The following ANKS3 variants were observed in gnomAD, a reference collection of about 807,000 sequenced individuals.
ANKS3 encodes the protein ankyrin repeat and SAM domain-containing protein 3.
In ANKS3, 62 loss-of-function variants were observed where a neutral mutation model predicts 80.7. The observed-to-expected ratio is 0.77, with a 90% CI of 0.63 to 0.95. ANKS3 has a LOEUF of 0.95. Ranked by LOEUF, ANKS3 falls within the 40% of genes least tolerant of loss-of-function variation. ANKS3 has a pLI of 0.00. For synonymous variants in ANKS3, 489 were observed against 355.3 expected, an observed-to-expected ratio of 1.38 and a Z score of -4.23; for missense variants, 1,150 against 883.6, an observed-to-expected ratio of 1.30 and a Z score of -3.82.
intron 8 of ANKS3, among the ~76,000 whole-genome samples, chr16:4,704,216 G>T (rs1180004467): frequency 1.3e-5 from 2 of 152,182 alleles, no homozygotes; most frequent in Non-Finnish European, 2.9e-5. Flanking sequence ...CCAGGCTTGG[G>T]AAGACAGAAG....
At position 4,697,388 on chromosome 16, in the gene ANKS3, C is replaced by A. The variant is rs371595485; in HGVS notation, c.1839G>T (p.Gln613His). 1 of 1,609,646 alleles carries A rather than the reference C, an allele frequency of 6.2e-7. No individual in the cohort carries two copies. Among genetic ancestry groups the A allele is most frequent in the African/African-American group, 1.3e-5 (1 of 74,826 alleles). Residue 613 changes from glutamine to histidine, a missense_variant, in exon 16 of 18, where the codon CAG (glutamine) becomes CAT (histidine). Transcript: ENST00000304283. ...ADSKGWQASL[Q>H]AMSLPELSGA... ...CCGAGAGCTCGGGGAGGCTCATGGC[C>A]TGCAGGGACGCTTGCCAGCCCTTGG... is the stretch of plus-strand genomic sequence containing the variant.
rs989348694 is a variant in ANKS3, at chr16:4,734,179, G to A, written c.-312C>T. On this transcript the variant is annotated 5_prime_UTR_variant, in exon 1 of 18. Coordinates refer to ENST00000304283, the MANE Select transcript of ANKS3 (RefSeq NM_133450.4). Reference sequence around the variant, plus strand: ...ACCTGTGCTGGGCCTCAGGCCTTGCGCCGCCCTCGGGCTGCCGTCGCCAAC... The same window carrying A: ...ACCTGTGCTGGGCCTCAGGCCTTGCACCGCCCTCGGGCTGCCGTCGCCAAC... The A allele has an allele frequency of 3.4e-6, 1 of 294,658 alleles. No homozygotes were observed. Among genetic ancestry groups the A allele is most frequent in the Non-Finnish European group, 4.9e-6 (1 of 205,010 alleles). 18.3% of individuals were successfully genotyped at this position (294,658 alleles called of 1,614,324 possible).
At chr16:4,728,380 T>G (rs992193227) in intron 3 of ANKS3, among the ~76,000 whole-genome samples, 1 of 152,068 alleles carries the variant, frequency 6.6e-6, no homozygotes, top group South Asian at 2.1e-4. Context: ...GCAACTACCT[T>G]CCATTGCCTG....
In ANKS3 at chr16:4,696,681, G is replaced by A. The variant is rs963066529; in HGVS notation, c.*227C>T. Reference sequence around the variant, plus strand: ...GCCCATGAACTCTGGGCCTCACCACGAGGTTCTGGGTGAGGCCCTCGTCCC... The same window carrying A: ...GCCCATGAACTCTGGGCCTCACCACAAGGTTCTGGGTGAGGCCCTCGTCCC... On this transcript the variant is annotated 3_prime_UTR_variant, in exon 18 of 18. Transcript: ENST00000304283. The A allele has an allele frequency of 2.9e-5, 11 of 376,128 alleles. No individual in the cohort carries two copies. The highest frequency in any genetic ancestry group is 1.7e-4 in the African/African-American group (8 of 48,200). 23.3% of individuals were successfully genotyped at this position (376,128 alleles called of 1,614,324 possible).
At chr16:4,717,149 G>C (rs1194182042) in intron 6 of ANKS3, among the ~76,000 whole-genome samples, 1 of 152,126 alleles carries the variant, frequency 6.6e-6, no homozygotes, top group African/African-American at 2.4e-5. Flanking sequence ...AGCTGAGGAA[G>C]GAGAATTGCC....
intron 7 of ANKS3, among the ~76,000 whole-genome samples, chr16:4,710,298 G>A (rs538810177): frequency 6.6e-6 from 1 of 152,320 alleles, no homozygotes; most frequent in Non-Finnish European, 1.5e-5. Context: ...AATGTTTGAG[G>A]TGATGGATAA....
At chr16:4,712,746 A>C (rs1402079244) in intron 7 of ANKS3, among the ~76,000 whole-genome samples, 2 of 152,182 alleles carry the variant, frequency 1.3e-5, no homozygotes. Context: ...ATCAGGACCA[A>C]GGTAAGGAGG....
intron 3 of ANKS3, among the ~76,000 whole-genome samples, chr16:4,729,020 C>G (rs2081494466): frequency 6.6e-6 from 1 of 152,118 alleles, no homozygotes; most frequent in South Asian, 2.1e-4. Flanking sequence ...GAAGAGAGGT[C>G]GCTGCACCAC....
rs73504498 is a variant in ANKS3, at chr16:4,726,647, T to C, written c.491+12A>G. 2.8e-3 allele frequency: 4,533 copies of C among 1,612,458 alleles called. 113 individuals carry two copies. In the African/African-American group the frequency reaches 0.054, roughly 19 times the overall value. ...AGGCCACTCCTGTGGCCACTAAAGATGTGGCAATCACCTCACGTTGGCATT... is the reference window on the plus strand; with the variant it reads ...AGGCCACTCCTGTGGCCACTAAAGACGTGGCAATCACCTCACGTTGGCATT... On this transcript the variant is annotated intron_variant, in intron 5 of 17. Coordinates refer to ENST00000304283, the MANE Select transcript of ANKS3 (RefSeq NM_133450.4).
chr16:4,699,605 T>A (rs191020441), intron 11 of ANKS3: 90 of 198,766 alleles, frequency 4.5e-4, no homozygotes, highest in African/African-American at 2.0e-3. Context: ...GCTCCCTGGA[T>A]GTAAGATCCG....
intron 8 of ANKS3, among the ~76,000 whole-genome samples, chr16:4,704,721 G>A (rs774806788): frequency 6.6e-6 from 1 of 152,242 alleles, no homozygotes; most frequent in Non-Finnish European, 1.5e-5. Flanking sequence ...GACCCAGCTG[G>A]TATGGGCAGG....
At chr16:4,710,273 C>T (rs982669429) in intron 7 of ANKS3, among the ~76,000 whole-genome samples, 10 of 152,156 alleles carry the variant, frequency 6.6e-5, no homozygotes, top group Admixed American at 5.9e-4. Flanking sequence ...TAAATGTTCT[C>T]ACCTCGAAAT....
chr16:4,697,204 C>T (rs752152210), intron 16 of ANKS3, 100 bp from the exon 17 acceptor site: 48 of 1,554,556 alleles, frequency 3.1e-5, no homozygotes, highest in Middle Eastern at 3.4e-4. Context: ...GCCCCTCACC[C>T]GTTATGGCCC....
chr16:4,709,074 T>G (rs1437290692), intron 7 of ANKS3, among the ~76,000 whole-genome samples: 1 of 152,078 alleles, frequency 6.6e-6, no homozygotes, highest in Non-Finnish European at 1.5e-5. Context: ...GAGACCAGCC[T>G]GGGCAACATA....
intron 7 of ANKS3, among the ~76,000 whole-genome samples, chr16:4,712,812 A>G (rs1456817716): frequency 6.6e-6 from 1 of 152,194 alleles, no homozygotes; most frequent in Non-Finnish European, 1.5e-5. Flanking sequence ...ACTAAACAAA[A>G]GAACGGTGCA....
intron 6 of ANKS3, among the ~76,000 whole-genome samples, chr16:4,721,076 T>C (rs193079312): frequency 0.052 from 6,897 of 132,020 alleles, 514 homozygotes; most frequent in African/African-American, 0.18. Context: ...GAGGCCAAGG[T>C]GGGCGGATCA....
chr16:4,731,185 G>A (rs1454151620), intron 2 of ANKS3, among the ~76,000 whole-genome samples: 1 of 152,160 alleles, frequency 6.6e-6, no homozygotes, highest in Non-Finnish European at 1.5e-5. Flanking sequence ...GGGAATTTGG[G>A]GGACGATAGA....
intron 6 of ANKS3, among the ~76,000 whole-genome samples, chr16:4,715,271 C>T (rs759760473): frequency 1.3e-5 from 2 of 151,992 alleles, no homozygotes; most frequent in African/African-American, 2.4e-5. Context: ...ATGAACCCAC[C>T]TCTACAAGAA....
At chr16:4,717,826 CA>C (rs1263497348) in intron 6 of ANKS3, among the ~76,000 whole-genome samples, 1 of 151,804 alleles carries the variant, frequency 6.6e-6, no homozygotes, top group Non-Finnish European at 1.5e-5. Flanking sequence ...GACGGAGTCT[CA>C]CTCTGTCACC....
Sources: allele counts gnomAD v4.1 joint callset (sites outside exome capture counted in the v4.1 genomes callset), GRCh38; gene constraint gnomAD v4.1.1; transcripts MANE v1.5; gene names NCBI Gene and HGNC (gene_info 2026-07-23, HGNC 2026-07-21).